Variants in DMD observed in about 807,000 individuals in gnomAD.
The protein encoded by DMD is dystrophin, also known as mutant dystrophin.
In DMD, 63 loss-of-function variants were observed where a neutral mutation model predicts 330.1. The ratio of observed to expected loss-of-function variants is 0.19; its 90% CI spans 0.16 to 0.24. DMD has a LOEUF of 0.24. Ranked by LOEUF, DMD falls within the 10% of genes least tolerant of loss-of-function variation. The pLI, the probability that DMD is intolerant of heterozygous loss-of-function variation, is 1.00. For synonymous variants in DMD, 1,223 were observed against 959.8 expected (o/e 1.27, Z -5.07); for missense variants, 3,344 against 2,684.1 (o/e 1.25, Z -5.43).
intron 2 of DMD, among the ~76,000 whole-genome samples, chrX:32,992,441 A>T (rs1221488797): frequency 9.0e-6 from 1 of 111,357 alleles, no homozygotes; most frequent in Non-Finnish European, 1.9e-5. Context: ...AACTTCCCCC[A>T]GTCATTTCTA....
intron 55 of DMD, among the ~76,000 whole-genome samples, chrX:31,558,047 C>A (rs1378441965): frequency 1.8e-5 from 2 of 111,259 alleles, no homozygotes; most frequent in African/African-American, 6.5e-5. Flanking sequence ...TAGATAAAGC[C>A]TGAATAATTT....
chrX:31,884,419 T>A (rs910104324), intron 47 of DMD, among the ~76,000 whole-genome samples: 1 of 111,518 alleles, frequency 9.0e-6, no homozygotes, highest in Non-Finnish European at 1.9e-5. Context: ...CTGTATGATT[T>A]CACTTATATG....
Position 32,564,187 on chromosome X carries a change from C to A in DMD, c.1992+1515G>T, listed in dbSNP as rs1026278336. 3.6e-5 allele frequency among the ~76,000 whole-genome samples: 4 copies of A among 112,055 alleles called. No homozygotes were observed. In the East Asian group the frequency reaches 1.1e-3, roughly 31 times the overall value. ...TTTTAATTAGCTCCTCAGGTGGCTACTATGCAGACTCAAGTTTGAGAACCA... is the reference window on the plus strand; with the variant it reads ...TTTTAATTAGCTCCTCAGGTGGCTAATATGCAGACTCAAGTTTGAGAACCA... On this transcript the variant is annotated intron_variant, in intron 16 of 78. Coordinates refer to ENST00000357033, the MANE Select transcript of DMD (RefSeq NM_004006.3).
At chrX:32,745,517 A>T (rs1473463672) in intron 7 of DMD, among the ~76,000 whole-genome samples, 1 of 112,280 alleles carries the variant, frequency 8.9e-6, no homozygotes, top group Admixed American at 9.4e-5. Context: ...GTGACAGTTA[A>T]GTTCCTATGG....
chrX:31,949,370 T>C (rs1209556550), intron 45 of DMD, among the ~76,000 whole-genome samples: 1 of 111,658 alleles, frequency 9.0e-6, no homozygotes, highest in Admixed American at 9.5e-5. Context: ...TTAGTACTTA[T>C]ATTTTCAAAT....
intron 43 of DMD, among the ~76,000 whole-genome samples, chrX:32,226,913 G>T (rs1042579872): frequency 9.1e-5 from 10 of 109,870 alleles, no homozygotes; most frequent in African/African-American, 3.3e-4. Context: ...TCACATAATT[G>T]TTGTTTTCAT....
intron 1 of DMD, among the ~76,000 whole-genome samples, chrX:33,115,407 G>T (rs2148456716): frequency 9.0e-6 from 1 of 111,303 alleles, no homozygotes; most frequent in Admixed American, 9.6e-5. Flanking sequence ...AGTGTAATGG[G>T]GGGATCTCCT....
chrX:31,732,407 G>T (rs963945561), intron 51 of DMD, among the ~76,000 whole-genome samples: 1 of 110,886 alleles, frequency 9.0e-6, no homozygotes, highest in Non-Finnish European at 1.9e-5. Context: ...TATGGCATAC[G>T]CTTCAGTATT....
intron 7 of DMD, among the ~76,000 whole-genome samples, chrX:32,806,022 CAACT>C (rs780474159): frequency 9.2e-4 from 103 of 111,701 alleles, no homozygotes; most frequent in Non-Finnish European, 1.4e-3. Flanking sequence ...GAAACTGCAT[CAACT>C]AACAAGCAAA....
At chrX:32,201,058 C>G (rs138421984) in intron 44 of DMD, among the ~76,000 whole-genome samples, 157 of 111,792 alleles carry the variant, frequency 1.4e-3, no homozygotes, top group Middle Eastern at 9.3e-3. Flanking sequence ...AAATAGGATA[C>G]AGTGGTTTAC....
intron 29 of DMD, among the ~76,000 whole-genome samples, chrX:32,426,346 C>T (rs12007963): frequency 1.8e-5 from 2 of 111,170 alleles, no homozygotes; most frequent in South Asian, 3.7e-4. Context: ...TTTCACAAGA[C>T]GACACACATG....
At chrX:32,528,944 C>A (rs1160413626) in intron 17 of DMD, among the ~76,000 whole-genome samples, 1 of 89,295 alleles carries the variant, frequency 1.1e-5, no homozygotes, top group East Asian at 3.8e-4. Context: ...TTTTTTCAGA[C>A]GGAGTCTCGC....
intron 3 of DMD, among the ~76,000 whole-genome samples, chrX:32,845,777 C>A (rs2080600456): frequency 8.9e-6 from 1 of 112,149 alleles, no homozygotes; most frequent in African/African-American, 3.2e-5. Context: ...GCTGTCTGGC[C>A]TACATAAAAA....
intron 44 of DMD, among the ~76,000 whole-genome samples, chrX:32,037,895 C>T (rs1469839738): frequency 9.0e-6 from 1 of 111,187 alleles, no homozygotes; most frequent in East Asian, 2.8e-4. Context: ...TTAGAAATAA[C>T]CTCATTATTC....
intron 41 of DMD, among the ~76,000 whole-genome samples, chrX:32,331,728 T>G (rs1482315102): frequency 8.9e-6 from 1 of 111,812 alleles, no homozygotes; most frequent in Admixed American, 9.5e-5. Context: ...GAATAGTAAG[T>G]GTAGCTTGAC....
chrX:32,597,392 AT>A (rs2055680519), intron 12 of DMD, among the ~76,000 whole-genome samples: 1 of 111,832 alleles, frequency 8.9e-6, no homozygotes, highest in Admixed American at 9.5e-5. Flanking sequence ...ATCAATAAAC[AT>A]TTGTCAGATA....
chrX:32,348,302 G>T, intron 38 of DMD, 104 bp downstream of exon 38: 1 of 805,752 alleles, frequency 1.2e-6, no homozygotes, highest in Non-Finnish European at 1.8e-6. Flanking sequence ...ATCATAAAAT[G>T]TGTAATATGT....
chrX:32,945,244 C>T (rs2090719701), intron 2 of DMD, among the ~76,000 whole-genome samples: 1 of 111,239 alleles, frequency 9.0e-6, no homozygotes, highest in African/African-American at 3.3e-5. Flanking sequence ...AGTAATTTCA[C>T]ATTTTGAACT....
At chrX:31,931,986 C>T (rs1323680339) in intron 46 of DMD, 94 bp downstream of exon 46, 2 of 1,026,778 alleles carry the variant, frequency 1.9e-6, no homozygotes, top group Non-Finnish European at 2.7e-6. Flanking sequence ...TATGAATAAC[C>T]TAATGGGCAG....
Sources: gnomAD v4.1 joint callset for allele counts (sites outside exome capture counted in the v4.1 genomes callset) on GRCh38, gnomAD v4.1.1 for gene constraint, MANE v1.5 for transcripts, NCBI Gene and HGNC (gene_info 2026-07-23, HGNC 2026-07-21) for gene names.